Variants in SPAG16 observed in about 807,000 individuals in gnomAD.
SPAG16 encodes sperm-associated antigen 16 protein.
SPAG16 carries 86 observed loss-of-function variants against 80.4 expected under a neutral mutation model. The observed-to-expected ratio is 1.07, with a 90% CI of 0.90 to 1.28. SPAG16 has a LOEUF of 1.28. Ranked by LOEUF, SPAG16 falls within the 50% of genes most tolerant of loss-of-function variation. The pLI, the probability that SPAG16 is intolerant of heterozygous loss-of-function variation, is 0.00. For synonymous variants in SPAG16, 294 were observed against 265.9 expected, an observed-to-expected ratio of 1.11 and a Z score of -1.03; for missense variants, 870 against 765.3, an observed-to-expected ratio of 1.14 and a Z score of -1.61.
chr2:213,300,522 TG>T (rs1157882753), intron 3 of SPAG16, among the ~76,000 whole-genome samples: 7 of 152,176 alleles, frequency 4.6e-5, no homozygotes, highest in Admixed American at 3.9e-4. Flanking sequence ...GTAGCTCAAC[TG>T]AGACAACATA....
intron 15 of SPAG16, chr2:214,311,864 TG>T (rs1695356199): frequency 6.6e-6 from 1 of 152,224 alleles, no homozygotes; most frequent in Non-Finnish European, 1.5e-5. Context: ...CTCTCTCTTT[TG>T]TGGCTGAAAT....
chr2:214,173,404 T>G (rs1305223087), intron 15 of SPAG16, among the ~76,000 whole-genome samples: 1 of 152,096 alleles, frequency 6.6e-6, no homozygotes, highest in African/African-American at 2.4e-5. Flanking sequence ...GATCAGATAA[T>G]TGTAGATATG....
At chr2:214,370,508 T>TGTTAA (rs985990907) in intron 15 of SPAG16, among the ~76,000 whole-genome samples, 2 of 152,218 alleles carry the variant, frequency 1.3e-5, no homozygotes, top group Non-Finnish European at 2.9e-5. Context: ...ACATACATAT[T>TGTTAA]GTTAAGTTAT....
intron 10 of SPAG16, among the ~76,000 whole-genome samples, chr2:213,807,657 A>T (rs996814406): frequency 3.9e-5 from 6 of 152,186 alleles, no homozygotes. Flanking sequence ...GAGAATGGCC[A>T]CACTATCATC....
At chr2:213,457,815 A>C (rs1270982716) in intron 9 of SPAG16, among the ~76,000 whole-genome samples, 1 of 152,124 alleles carries the variant, frequency 6.6e-6, no homozygotes, top group African/African-American at 2.4e-5. Context: ...CATTCAATGT[A>C]ATTAGATGAC....
chr2:213,800,496 T>C (rs2071328021), intron 10 of SPAG16, among the ~76,000 whole-genome samples: 1 of 151,958 alleles, frequency 6.6e-6, no homozygotes, highest in South Asian at 2.1e-4. Context: ...CCTCCTTGAG[T>C]ATCTAGGACT....
intron 10 of SPAG16, among the ~76,000 whole-genome samples, chr2:213,817,195 T>C (rs914424426): frequency 6.8e-6 from 1 of 148,004 alleles, no homozygotes; most frequent in African/African-American, 2.5e-5. Context: ...TTTAACTTAC[T>C]ACTTTGTACA....
chr2:214,135,690 A>T (rs1161915970), intron 14 of SPAG16, among the ~76,000 whole-genome samples: 2 of 149,428 alleles, frequency 1.3e-5, no homozygotes, highest in African/African-American at 5.0e-5. Context: ...ATAACCTGGA[A>T]CTTCCTCTAT....
At chr2:213,929,460 T>C (rs1239534477) in intron 11 of SPAG16, among the ~76,000 whole-genome samples, 3 of 152,226 alleles carry the variant, frequency 2.0e-5, no homozygotes, top group Admixed American at 6.5e-5. Flanking sequence ...TCTCATGATC[T>C]AACTCAAAGG....
intron 10 of SPAG16, among the ~76,000 whole-genome samples, chr2:213,661,271 G>A (rs2063417687): frequency 6.6e-6 from 1 of 152,152 alleles, no homozygotes; most frequent in African/African-American, 2.4e-5. Flanking sequence ...ATTCACAGTT[G>A]TTAGTAAACA....
intron 15 of SPAG16, among the ~76,000 whole-genome samples, chr2:214,260,782 C>T (rs1669200158): frequency 6.6e-6 from 1 of 152,020 alleles, no homozygotes; most frequent in Non-Finnish European, 1.5e-5. Context: ...TTCTCTTTTG[C>T]CTCTCTCCTG....
At chr2:214,260,970 G>A (rs1411435949) in intron 15 of SPAG16, among the ~76,000 whole-genome samples, 1 of 151,752 alleles carries the variant, frequency 6.6e-6, no homozygotes, top group Non-Finnish European at 1.5e-5. Context: ...AGCCGGGCGT[G>A]GTGGTGGGCA....
chr2:213,804,445 A>G (rs977649717), intron 10 of SPAG16, among the ~76,000 whole-genome samples: 3 of 152,212 alleles, frequency 2.0e-5, no homozygotes, highest in African/African-American at 7.2e-5. Context: ...GCACTTTGGG[A>G]GGCCGAGGCG....
At chr2:213,375,960 A>C (rs1361096196) in intron 9 of SPAG16, among the ~76,000 whole-genome samples, 1 of 149,942 alleles carries the variant, frequency 6.7e-6, no homozygotes, top group Non-Finnish European at 1.5e-5. Flanking sequence ...AATTTGTATA[A>C]ATATAAAATA....
At chr2:213,766,116 GA>G (rs2068925819) in intron 10 of SPAG16, among the ~76,000 whole-genome samples, 1 of 152,184 alleles carries the variant, frequency 6.6e-6, no homozygotes, top group African/African-American at 2.4e-5. Flanking sequence ...CTCTAAATAA[GA>G]AACTGGCTTC....
At chr2:213,573,920 T>C (rs2060019742) in intron 10 of SPAG16, among the ~76,000 whole-genome samples, 1 of 152,136 alleles carries the variant, frequency 6.6e-6, no homozygotes, top group African/African-American at 2.4e-5. Context: ...TGCATACTTG[T>C]CCCCTGGGGA....
At chr2:213,314,570 T>C (rs1237911013) in intron 4 of SPAG16, among the ~76,000 whole-genome samples, 6 of 151,904 alleles carry the variant, frequency 3.9e-5, no homozygotes, top group Admixed American at 6.6e-5. Context: ...TTTACATGGA[T>C]GGCAGAAAAT....
chr2:213,692,734 C>T (rs578004708), intron 10 of SPAG16, among the ~76,000 whole-genome samples: 4 of 150,672 alleles, frequency 2.7e-5, no homozygotes, highest in African/African-American at 4.9e-5. Context: ...GCCGTGAACC[C>T]GGGAGGCGGA....
intron 10 of SPAG16, among the ~76,000 whole-genome samples, chr2:213,618,190 C>T (rs1307252756): frequency 2.0e-5 from 3 of 152,148 alleles, no homozygotes; most frequent in Non-Finnish European, 4.4e-5. Flanking sequence ...CTTAACATTT[C>T]CTCAACATAG....
Sources: gnomAD v4.1 joint callset for allele counts (sites outside exome capture counted in the v4.1 genomes callset) on GRCh38, gnomAD v4.1.1 for gene constraint, MANE v1.5 for transcripts, NCBI Gene and HGNC (gene_info 2026-07-23, HGNC 2026-07-21) for gene names.